SGSM1: variants seen among roughly 807,000 people sequenced by gnomAD.
The protein encoded by SGSM1 is small G protein signaling modulator 1.
Under a neutral mutation model 133.8 loss-of-function variants are expected in SGSM1, and 73 were observed. The observed-to-expected ratio is 0.55, with a 90% CI of 0.45 to 0.66. SGSM1 has a LOEUF of 0.66. Ranked by LOEUF, SGSM1 falls within the 30% of genes least tolerant of loss-of-function variation. The pLI, the probability that SGSM1 is intolerant of heterozygous loss-of-function variation, is 0.00. For synonymous variants in SGSM1, 563 were observed against 573.0 expected (o/e 0.98, Z 0.25); for missense variants, 1,213 against 1,448.1 (o/e 0.84, Z 2.64).
intron 22 of SGSM1, among the ~76,000 whole-genome samples, chr22:24,915,297 GC>G: frequency 6.6e-6 from 1 of 152,212 alleles, no homozygotes; most frequent in Non-Finnish European, 1.5e-5. Context: ...CATCCCTGCT[GC>G]ATGCACGCAA....
At chr22:24,873,874 C>G (rs1931888672) in intron 12 of SGSM1, among the ~76,000 whole-genome samples, 1 of 151,902 alleles carries the variant, frequency 6.6e-6, no homozygotes, top group Non-Finnish European at 1.5e-5. Flanking sequence ...AAAGTCAAAT[C>G]CCCTGGGTTA....
intron 19 of SGSM1, among the ~76,000 whole-genome samples, chr22:24,899,161 G>A (rs1406910507): frequency 1.3e-5 from 2 of 150,898 alleles, no homozygotes; most frequent in Non-Finnish European, 2.9e-5. Context: ...TGTCTTTCCT[G>A]TAAAAAAATT....
chr22:24,845,548 T>C lies in SGSM1; in HGVS notation c.139+576T>C, dbSNP rs1017216784. Among the ~76,000 whole-genome samples, 21 of 152,204 alleles carry C rather than the reference T, an allele frequency of 1.4e-4. 1 individual carries two copies. On this transcript the variant is annotated intron_variant, in intron 3 of 24. Coordinates refer to ENST00000400358, the MANE Select transcript of SGSM1 (RefSeq NM_001098497.3). ...GTCTCTGAGGTCAGGATAATCAGTGTGTACATAGAAGTGGGAGTCTTTCTG... is the reference window on the plus strand; with the variant it reads ...GTCTCTGAGGTCAGGATAATCAGTGCGTACATAGAAGTGGGAGTCTTTCTG...
At chr22:24,813,656 A>G (rs1927886935) in intron 2 of SGSM1, 1 of 146,644 alleles carries the variant, frequency 6.8e-6, no homozygotes, top group South Asian at 2.3e-4. Context: ...TATCCACCCG[A>G]TGCGTTTTGA....
intron 24 of SGSM1, among the ~76,000 whole-genome samples, chr22:24,923,304 G>A (rs1197031550): frequency 6.6e-6 from 1 of 152,054 alleles, no homozygotes; most frequent in Non-Finnish European, 1.5e-5. Context: ...ATGACACGCT[G>A]GGGTACCTTG....
intron 8 of SGSM1, among the ~76,000 whole-genome samples, chr22:24,858,028 G>C (rs2147857375): frequency 6.6e-6 from 1 of 152,310 alleles, no homozygotes; most frequent in African/African-American, 2.4e-5. Flanking sequence ...CCAGGCTGGA[G>C]TGCAGTGGTG....
chr22:24,885,182 G>A (rs959042115), intron 15 of SGSM1, among the ~76,000 whole-genome samples: 3 of 152,054 alleles, frequency 2.0e-5, no homozygotes, highest in Admixed American at 6.6e-5. Context: ...TGGTCTGCCC[G>A]CCTCAGCCTC....
At chr22:24,906,626 A>G (rs1425960508) in intron 21 of SGSM1, among the ~76,000 whole-genome samples, 2 of 152,212 alleles carry the variant, frequency 1.3e-5, no homozygotes, top group Non-Finnish European at 2.9e-5. Context: ...TTTATTTGCA[A>G]TAGCATCTAG....
At position 24,855,550 on chromosome 22, in the gene SGSM1, T is replaced by A; in HGVS notation, c.671T>A (p.Ile224Asn). ...CTGTCTCCCGTCACTCTCTACCAGATCCAGAAGAGGCATTCCAGTGGCAGC... is the reference window on the plus strand; with the variant it reads ...CTGTCTCCCGTCACTCTCTACCAGAACCAGAAGAGGCATTCCAGTGGCAGC... Reference protein sequence around the residue: ...DSPTKRPALCIQKRHSSGSMD... With the variant: ...DSPTKRPALCNQKRHSSGSMD... The change falls in exon 8 of 25, where the codon ATC becomes AAC. Residue 224 changes from isoleucine to asparagine, a missense_variant and splice_region_variant. By Grantham distance (149) the Ile-to-Asn change is moderately radical. Transcript: ENST00000400358. 6.2e-7 allele frequency: 1 copy of A among 1,613,762 alleles called. No individual in the cohort carries two copies. Among genetic ancestry groups the A allele is most frequent in the Non-Finnish European group, 8.5e-7 (1 of 1,179,812 alleles).
At chr22:24,875,873 T>C (rs1932001908) in intron 12 of SGSM1, among the ~76,000 whole-genome samples, 1 of 152,270 alleles carries the variant, frequency 6.6e-6, no homozygotes, top group East Asian at 1.9e-4. Flanking sequence ...GAATCACCAG[T>C]GTCCAAAAGT....
intron 16 of SGSM1, among the ~76,000 whole-genome samples, chr22:24,892,497 A>G (rs1932831793): frequency 1.3e-5 from 2 of 152,128 alleles, no homozygotes; most frequent in Non-Finnish European, 2.9e-5. Flanking sequence ...CCATTGCTGT[A>G]AGGAAAGGAA....
At chr22:24,923,245 C>T (rs1037861163) in intron 24 of SGSM1, among the ~76,000 whole-genome samples, 21 of 152,068 alleles carry the variant, frequency 1.4e-4, no homozygotes, top group South Asian at 2.1e-4. Context: ...AGTATTCCCA[C>T]GCTTCCCTCG....
intron 1 of SGSM1, 29 bp downstream of exon 1, chr22:24,806,373 G>C: frequency 1.3e-6 from 2 of 1,503,904 alleles, no homozygotes; most frequent in South Asian, 1.3e-5. Flanking sequence ...CGAGGGCGGC[G>C]GGAGGGCAGC....
intron 20 of SGSM1, among the ~76,000 whole-genome samples, chr22:24,903,272 G>A (rs1026400971): frequency 2.0e-5 from 3 of 150,884 alleles, no homozygotes; most frequent in Admixed American, 6.6e-5. Flanking sequence ...ACAGTGGTGC[G>A]ATCTCGGCTC....
intron 22 of SGSM1, among the ~76,000 whole-genome samples, chr22:24,914,482 C>A (rs572338641): frequency 6.5e-4 from 97 of 148,332 alleles, no homozygotes; most frequent in African/African-American, 1.9e-3. Context: ...TCCCCCCCCC[C>A]AAAAAAAAAT....
intron 19 of SGSM1, chr22:24,901,320 A>T (rs1933154724): frequency 6.6e-6 from 1 of 152,058 alleles, no homozygotes; most frequent in African/African-American, 2.4e-5. Context: ...AAGGTCTCTT[A>T]TTAGATCTTC....
At chr22:24,905,043 G>T in intron 20 of SGSM1, 62 bp from the exon 21 acceptor site, 6 of 1,385,636 alleles carry the variant, frequency 4.3e-6, no homozygotes, top group Non-Finnish European at 6.2e-6. Context: ...AGGAACAGAA[G>T]GTGGAGTGGG....
chr22:24,835,359 C>T (rs1182788588), intron 2 of SGSM1, among the ~76,000 whole-genome samples: 1 of 152,170 alleles, frequency 6.6e-6, no homozygotes, highest in Non-Finnish European at 1.5e-5. Flanking sequence ...ATATTGAGTG[C>T]ATGCTCTGTG....
chr22:24,868,325 G>T lies in SGSM1; in HGVS notation c.995-51G>T, dbSNP rs369493470. ...GTGCTTGCAGGAAGGGGCTGTCACC[G>T]TGCCTCATAGTGACTTCCACTGGGT... On this transcript the variant is annotated intron_variant, in intron 10 of 24. Transcript: ENST00000400358. 2.3e-4 allele frequency: 354 copies of T among 1,567,678 alleles called. 2 individuals carry two copies. The African/African-American group carries it at 4.5e-3, about 20-fold the overall frequency.
Sources: gnomAD v4.1 joint callset for allele counts (sites outside exome capture counted in the v4.1 genomes callset) on GRCh38, gnomAD v4.1.1 for gene constraint, MANE v1.5 for transcripts, NCBI Gene and HGNC (gene_info 2026-07-23, HGNC 2026-07-21) for gene names.